Variants in ANO3 observed in about 807,000 individuals in gnomAD.
ANO3 encodes the protein anoctamin-3.
In ANO3, 99 loss-of-function variants were observed where a neutral mutation model predicts 144.8. That is an observed-to-expected ratio of 0.68 (90% confidence interval 0.58 to 0.81). ANO3 has a LOEUF of 0.81. ANO3 is among the 30% of genes least tolerant of loss of function. The pLI is 0.00. For missense variants in ANO3, 905 were observed against 1,202.2 expected, an observed-to-expected ratio of 0.75 and a Z score of 3.66; for synonymous variants, 414 against 392.6, an observed-to-expected ratio of 1.05 and a Z score of -0.64.
In ANO3 at chr11:26,594,333, G is replaced by A. The variant is rs183458416; in HGVS notation, c.1448-4032G>A. Among the ~76,000 whole-genome samples, 80 of 152,184 alleles carry A rather than the reference G, an allele frequency of 5.3e-4. 1 individual carries two copies. Among genetic ancestry groups the A allele is most frequent in the African/African-American group, 1.7e-3 (71 of 41,520 alleles). On this transcript the variant is annotated intron_variant, in intron 14 of 26. Coordinates refer to ENST00000256737, the MANE Select transcript of ANO3 (RefSeq NM_031418.4). The stretch of plus-strand genomic sequence containing the variant: ...ATCCTATCATTGAACTGACTGAGAC[G>A]CCAGAGATCACCAAACTCTCGGGCT...
At position 26,384,414 on chromosome 11, in the gene ANO3, AT is replaced by A. The variant is rs567197976; in HGVS notation, c.46+52095del. Among the ~76,000 whole-genome samples, 1,400 of 152,256 alleles carry A rather than the reference AT, an allele frequency of 9.2e-3. 7 individuals are homozygous for A. Among genetic ancestry groups the A allele is most frequent in the Non-Finnish European group, 0.014 (959 of 68,002 alleles). On this transcript the variant is annotated intron_variant, in intron 1 of 26. Coordinates refer to ENST00000256737, the MANE Select transcript of ANO3 (RefSeq NM_031418.4). The stretch of plus-strand genomic sequence containing the variant: ...GGAGAAGTCTGCAAGAATCATACCT[AT>A]TAGCTCCGAGATGAGCTCAAAAATT...
At position 26,300,881 on chromosome 11, in the gene ANO3, T is replaced by A. The variant is rs1854215257; in HGVS notation, c.155-8764T>A. Among the ~76,000 whole-genome samples the A allele has an allele frequency of 2.1e-5, 3 of 144,748 alleles. No homozygotes were observed. In the South Asian group the frequency reaches 6.6e-4, roughly 32 times the overall value. The allele number at this position is 144,748 out of a possible 152,430, so 95.0% of individuals were successfully genotyped here. A position where few individuals can be genotyped will look rare whatever the true frequency, so the allele number is the denominator to read the frequency against. On this transcript the variant is annotated intron_variant, in intron 1 of 27. Transcript: ENST00000672621. ...TTTTTTTTTTTTTTTTGAGGTGGAG[T>A]CTCACTCTGTTGCCCAGGCTGAAGT...
intron 1 of ANO3, among the ~76,000 whole-genome samples, chr11:26,391,180 G>A (rs541590070): frequency 6.6e-6 from 1 of 152,046 alleles, no homozygotes; most frequent in African/African-American, 2.4e-5. Context: ...ATCTAATGAG[G>A]GCCTTCTTGT....
rs964686102 is a variant in ANO3, at chr11:26,234,131, C to T, written c.154+44801C>T. 3.9e-5 allele frequency among the ~76,000 whole-genome samples: 6 copies of T among 152,082 alleles called. 1 individual carries two copies. The South Asian group carries it at 1.0e-3, about 26-fold the overall frequency. The stretch of plus-strand genomic sequence containing the variant: ...TAAAAAACAAAACAAAACAGTATAA[C>T]GTTTGTTTTGGTCTTTACAGGTACA... On this transcript the variant is annotated intron_variant, in intron 1 of 27. Coordinates refer to the ANO3 transcript ENST00000672621.
chr11:26,423,786 G>A (rs1857830749), intron 1 of ANO3, among the ~76,000 whole-genome samples: 1 of 151,908 alleles, frequency 6.6e-6, no homozygotes, highest in African/African-American at 2.4e-5. Flanking sequence ...GGAAGTCATG[G>A]TAATGCACCA....
At chr11:26,441,106 GTTTTTTTT>G (rs1022676698) in intron 1 of ANO3, among the ~76,000 whole-genome samples, 27 of 86,548 alleles carry the variant, frequency 3.1e-4, no homozygotes, top group East Asian at 1.1e-3. Context: ...TTGCTGCCCA[GTTTTTTTT>G]TTTTTTTTTT....
intron 20 of ANO3, among the ~76,000 whole-genome samples, chr11:26,637,932 T>C (rs1316319049): frequency 6.6e-6 from 1 of 152,200 alleles, no homozygotes; most frequent in Non-Finnish European, 1.5e-5. Flanking sequence ...ATATCTTGAA[T>C]ACTGCAAAGT....
Position 26,267,347 on chromosome 11 carries a change from C to T in ANO3, c.155-42298C>T, listed in dbSNP as rs577980879. Among the ~76,000 whole-genome samples the T allele has an allele frequency of 1.4e-3, 215 of 152,080 alleles. 1 individual carries two copies. The highest frequency in any genetic ancestry group is 4.9e-3 in the African/African-American group (205 of 41,488). Reference sequence around the variant, plus strand: ...CTAAAATCCTAAATGCTTGATGTTACCTAAAGTCTTTTGCCAGAATTTCAT... The same window carrying T: ...CTAAAATCCTAAATGCTTGATGTTATCTAAAGTCTTTTGCCAGAATTTCAT... On this transcript the variant is annotated intron_variant, in intron 1 of 27. Coordinates refer to the ANO3 transcript ENST00000672621.
In ANO3 at chr11:26,529,843, C is replaced by T. The variant is rs995236663; in HGVS notation, c.738-1362C>T. On this transcript the variant is annotated intron_variant, in intron 7 of 26. Coordinates refer to ENST00000256737, the MANE Select transcript of ANO3 (RefSeq NM_031418.4). ...AATCTGATTTCAATCAGTATATATA[C>T]CATAATAGAACTAGTTTATGAATGT... Among the ~76,000 whole-genome samples, 4 of 151,950 alleles carry T rather than the reference C, an allele frequency of 2.6e-5. No individual in the cohort carries two copies. The South Asian group carries it at 8.3e-4, about 32-fold the overall frequency.
intron 20 of ANO3, 45 bp downstream of exon 20, chr11:26,635,115 G>T: frequency 1.9e-6 from 3 of 1,549,502 alleles, no homozygotes; most frequent in Non-Finnish European, 2.7e-6. Context: ...GCATGGATAT[G>T]GGCCAGTTAC....
intron 23 of ANO3, 45 bp from the exon 24 acceptor site, chr11:26,647,664 A>G: frequency 6.4e-7 from 1 of 1,552,258 alleles, no homozygotes; most frequent in South Asian, 1.2e-5. Context: ...CAGGGTTTTC[A>G]TATTCTTCAT....
At chr11:26,332,120 C>T (rs1855061862), upstream of ANO3, 6 of 1,490,634 alleles carry the variant, frequency 4.0e-6, no homozygotes, top group Non-Finnish European at 5.3e-6. Flanking sequence ...CACCGGCGGG[C>T]GCGTAGCCTG....
chr11:26,265,990 C>T (rs1853298859), intron 1 of ANO3, among the ~76,000 whole-genome samples: 1 of 152,194 alleles, frequency 6.6e-6, no homozygotes, highest in Non-Finnish European at 1.5e-5. Flanking sequence ...CTGTCAGTGT[C>T]ATCCCATCTT....
At chr11:26,579,277 C>A (rs1183391195) in intron 14 of ANO3, among the ~76,000 whole-genome samples, 2 of 152,110 alleles carry the variant, frequency 1.3e-5, no homozygotes, top group East Asian at 1.9e-4. Flanking sequence ...TAAATAATAA[C>A]CTCAGCAGCA....
chr11:26,206,664 T>C (rs1851799479), intron 1 of ANO3, among the ~76,000 whole-genome samples: 1 of 152,146 alleles, frequency 6.6e-6, no homozygotes, highest in Admixed American at 6.6e-5. Flanking sequence ...TCAATCAAAA[T>C]GGTATAGCTC....
intron 14 of ANO3, among the ~76,000 whole-genome samples, chr11:26,584,706 GATATA>G (rs1851229616): frequency 6.6e-6 from 1 of 152,192 alleles, no homozygotes; most frequent in South Asian, 2.1e-4. Context: ...CAAGCTCACT[GATATA>G]TTTCAACCAC....
chr11:26,365,954 T>TTATATATA (rs1158168765), intron 1 of ANO3, among the ~76,000 whole-genome samples: 12 of 54,388 alleles, frequency 2.2e-4, no homozygotes, highest in African/African-American at 8.0e-4. Flanking sequence ...CATTTTTTCT[T>TTATATATA]TATATATATA....
In ANO3 at chr11:26,260,871, A is replaced by G. The variant is rs72874906; in HGVS notation, c.155-48774A>G. ...GAAGGTTCTTGGTGGGGCCTTCCCC[A>G]TGGTTGGTAGATCTGTGATGCTGGG... On this transcript the variant is annotated intron_variant, in intron 1 of 27. Transcript: ENST00000672621. Among the ~76,000 whole-genome samples, 1,314 of 152,144 alleles carry G rather than the reference A, an allele frequency of 8.6e-3. 11 individuals are homozygous for G. The highest frequency in any genetic ancestry group is 0.016 in the South Asian group (76 of 4,802).
chr11:26,257,093 C>A (rs1358606178), intron 1 of ANO3, among the ~76,000 whole-genome samples: 1 of 151,860 alleles, frequency 6.6e-6, no homozygotes, highest in Non-Finnish European at 1.5e-5. Context: ...TTGAAGGAAT[C>A]ATCAAAATCT....
Sources: allele counts gnomAD v4.1 joint callset (sites outside exome capture counted in the v4.1 genomes callset), GRCh38; gene constraint gnomAD v4.1.1; transcripts MANE v1.5; gene names NCBI Gene and HGNC (gene_info 2026-07-23, HGNC 2026-07-21).